Variants in NEXN observed in about 807,000 individuals in gnomAD.
NEXN encodes nexilin.
A neutral mutation model predicts 92.6 loss-of-function variants in NEXN; 65 were observed. That is an observed-to-expected ratio of 0.70 (90% CI 0.57 to 0.86). The LOEUF (loss-of-function observed/expected upper bound fraction) is 0.86, where lower values mean the gene tolerates loss of function less well. Ranked by LOEUF, NEXN falls within the 40% of genes least tolerant of loss-of-function variation. The pLI is 0.00. For missense variants in NEXN, 778 were observed against 771.1 expected (o/e 1.01, Z -0.11); for synonymous variants, 254 against 242.5 (o/e 1.05, Z -0.44).
chr1:77,915,637 A>G (rs546547503), intron 1 of NEXN, among the ~76,000 whole-genome samples: 1 of 152,332 alleles, frequency 6.6e-6, no homozygotes, highest in African/African-American at 2.4e-5. Context: ...CAAAACAAAA[A>G]CAAAAACAAA....
chr1:77,928,524 ATTG>A (rs1041112390), intron 8 of NEXN, among the ~76,000 whole-genome samples: 11 of 152,140 alleles, frequency 7.2e-5, no homozygotes, highest in South Asian at 2.1e-4. Context: ...AAGAAATAGT[ATTG>A]TTAAATAAAT....
At chr1:77,923,076 C>T (rs1474449903) in intron 5 of NEXN, among the ~76,000 whole-genome samples, 2 of 148,006 alleles carry the variant, frequency 1.4e-5, no homozygotes, top group African/African-American at 5.0e-5. Flanking sequence ...TCACTGCAAC[C>T]TCCACCTCCC....
intron 1 of NEXN, among the ~76,000 whole-genome samples, chr1:77,889,799 C>T (rs930297187): frequency 6.6e-6 from 1 of 152,202 alleles, no homozygotes; most frequent in Non-Finnish European, 1.5e-5. Context: ...GAATATCATT[C>T]ATCGTTAAAT....
intron 1 of NEXN, among the ~76,000 whole-genome samples, chr1:77,906,446 C>T (rs1432588474): frequency 6.6e-6 from 1 of 151,988 alleles, no homozygotes; most frequent in Non-Finnish European, 1.5e-5. Flanking sequence ...CAACAGTTAA[C>T]TATATAATTA....
intron 1 of NEXN, among the ~76,000 whole-genome samples, chr1:77,909,138 AG>A (rs1216388271): frequency 1.3e-5 from 2 of 152,058 alleles, no homozygotes; most frequent in Admixed American, 6.6e-5. Context: ...AAGAAATATC[AG>A]GCCAGGCATG....
At chr1:77,919,136 G>A (rs1317504310) in intron 5 of NEXN, among the ~76,000 whole-genome samples, 2 of 152,066 alleles carry the variant, frequency 1.3e-5, no homozygotes, top group East Asian at 3.9e-4. Context: ...ATGCAAAAGC[G>A]GAAACCTCTG....
At chr1:77,904,623 G>A (rs769374344) in intron 1 of NEXN, among the ~76,000 whole-genome samples, 1 of 152,164 alleles carries the variant, frequency 6.6e-6, no homozygotes, top group Non-Finnish European at 1.5e-5. Flanking sequence ...CCTGCAATCT[G>A]GGAAGGGAGC....
chr1:77,936,219 T>A (rs1453554348), intron 11 of NEXN, among the ~76,000 whole-genome samples, 175 bp downstream of exon 11: 4 of 152,214 alleles, frequency 2.6e-5, no homozygotes, highest in East Asian at 3.9e-4. Flanking sequence ...AAGACTAGCA[T>A]TGTTTCAAAA....
chr1:77,893,687 A>C (rs1647157644), intron 1 of NEXN, among the ~76,000 whole-genome samples: 1 of 152,146 alleles, frequency 6.6e-6, no homozygotes, highest in Admixed American at 6.5e-5. Context: ...GGAATAGAGC[A>C]GTTCTTACCT....
rs369941497 is a variant in NEXN, at chr1:77,926,813, G to A, written c.785G>A (p.Arg262Gln). 32 of 1,613,812 alleles carry A rather than the reference G, an allele frequency of 2.0e-5. No individual in the cohort carries two copies. Among genetic ancestry groups the A allele is most frequent in the South Asian group, 4.4e-5 (4 of 91,066 alleles). The change falls in exon 8 of 13, where the codon CGA becomes CAA. Residue 262 changes from arginine (R) to glutamine (Q), a missense_variant. Physicochemically the swap from Arg to Gln is conservative, Grantham distance 43. Coordinates refer to ENST00000334785, the MANE Select transcript of NEXN (RefSeq NM_144573.4). ...CTGGAGCGACAAAGACAAGAAAACC[G>A]AAAGAAGCAAGCTGAAGAGGAAGCA... The part of the protein sequence containing the change: ...EELERQRQEN[R>Q]KKQAEEEARK...
chr1:77,910,758 A>AC (rs1557968832), intron 1 of NEXN, among the ~76,000 whole-genome samples: 10 of 117,188 alleles, frequency 8.5e-5, no homozygotes, highest in East Asian at 5.3e-4. Context: ...CAAAAAAAAA[A>AC]AAAAAAAAAA....
chr1:77,928,351 T>C (rs1261197648), intron 8 of NEXN, among the ~76,000 whole-genome samples: 1 of 151,774 alleles, frequency 6.6e-6, no homozygotes, highest in South Asian at 2.1e-4. Context: ...ATATTTGTAA[T>C]TTTAAAGTTA....
At position 77,917,722 on chromosome 1, in the gene NEXN, A is replaced by G. The variant is rs1321983590; in HGVS notation, c.184A>G (p.Ile62Val). 2 of 1,610,876 alleles carry G rather than the reference A, an allele frequency of 1.2e-6. No homozygotes were observed. Among genetic ancestry groups the G allele is most frequent in the Non-Finnish European group, 1.7e-6 (2 of 1,177,590 alleles). ...DEKQRRKEQY[I>V]REREWNRRKQ... ...AAAACAAAGAAGAAAAGAACAATAT[A>G]TTAGAGAGAGAGAATGGAACAGGAG... Residue 62 changes from isoleucine (I) to valine (V), a missense_variant, in exon 3 of 13, where the codon ATT (isoleucine) becomes GTT (valine). Coordinates refer to ENST00000334785, the MANE Select transcript of NEXN (RefSeq NM_144573.4).
rs937820292 is a variant in NEXN, at chr1:77,943,826, A to G, written c.*997A>G. 2.6e-5 allele frequency: 4 copies of G among 153,028 alleles called. No individual in the cohort carries two copies. The highest frequency in any genetic ancestry group is 4.4e-5 in the Non-Finnish European group (3 of 68,548). 9.5% of individuals were successfully genotyped at this position (153,028 alleles called of 1,614,324 possible). On this transcript the variant is annotated 3_prime_UTR_variant, in exon 13 of 13. Coordinates refer to ENST00000334785, the MANE Select transcript of NEXN (RefSeq NM_144573.4). ...ATTACGTTCTATTAAGTTGTTTTATATTTTAATTTTCTGGAAGACAATTTT... is the reference window on the plus strand; with the variant it reads ...ATTACGTTCTATTAAGTTGTTTTATGTTTTAATTTTCTGGAAGACAATTTT...
At chr1:77,939,249 T>C (rs1489084741) in intron 11 of NEXN, among the ~76,000 whole-genome samples, 1 of 151,732 alleles carries the variant, frequency 6.6e-6, no homozygotes, top group African/African-American at 2.4e-5. Flanking sequence ...GTCTGGGGAG[T>C]TGGGGTGAAT....
chr1:77,906,609 T>C (rs1200175181), intron 1 of NEXN, among the ~76,000 whole-genome samples: 2 of 152,154 alleles, frequency 1.3e-5, no homozygotes, highest in Non-Finnish European at 2.9e-5. Flanking sequence ...AAAGTTATGA[T>C]AACATTGAGC....
chr1:77,940,690 C>G (rs1408635307), intron 11 of NEXN, among the ~76,000 whole-genome samples: 1 of 152,136 alleles, frequency 6.6e-6, no homozygotes, highest in African/African-American at 2.4e-5. Flanking sequence ...AAAGTGTATA[C>G]TGTGAACAAA....
intron 2 of NEXN, among the ~76,000 whole-genome samples, chr1:77,916,434 G>T (rs1309486412): frequency 2.0e-5 from 3 of 152,108 alleles, no homozygotes; most frequent in Non-Finnish European, 4.4e-5. Context: ...ATAACTCTTA[G>T]AAATTATTAT....
intron 5 of NEXN, among the ~76,000 whole-genome samples, chr1:77,923,772 G>T (rs1175580999): frequency 6.6e-6 from 1 of 150,894 alleles, no homozygotes; most frequent in East Asian, 2.0e-4. Context: ...CTGCCTCCCG[G>T]GTTCACACGA....
Sources: gnomAD v4.1 joint callset for allele counts (sites outside exome capture counted in the v4.1 genomes callset) on GRCh38, gnomAD v4.1.1 for gene constraint, MANE v1.5 for transcripts, NCBI Gene and HGNC (gene_info 2026-07-23, HGNC 2026-07-21) for gene names.